The following TBC1D12 variants were observed in gnomAD, a reference collection of about 807,000 sequenced individuals.
TBC1D12 encodes TBC1 domain family member 12.
In TBC1D12, 56 loss-of-function variants were observed where a neutral mutation model predicts 86.7. The ratio of observed to expected loss-of-function variants is 0.65; its 90% confidence interval spans 0.52 to 0.81. The LOEUF is 0.81. TBC1D12 is among the 30% of genes least tolerant of loss of function. TBC1D12 has a pLI of 0.00. For missense variants in TBC1D12, 1,023 were observed against 1,038.8 expected (o/e 0.98, Z 0.21); for synonymous variants, 421 against 411.7 (o/e 1.02, Z -0.27).
intron 1 of TBC1D12, among the ~76,000 whole-genome samples, chr10:94,406,835 A>G (rs2054860070): frequency 6.6e-6 from 1 of 152,188 alleles, no homozygotes; most frequent in Admixed American, 6.5e-5. Context: ...GAGGAATCTC[A>G]TTGTCTAAAG....
In TBC1D12 at chr10:94,533,408, T is replaced by C. The variant is rs777007255; in HGVS notation, c.*312T>C. 4.7e-6 allele frequency: 1 copy of C among 211,344 alleles called. No homozygotes were observed. The highest frequency in any genetic ancestry group is 9.3e-6 in the Non-Finnish European group (1 of 107,112). 13.1% of individuals were successfully genotyped at this position (211,344 alleles called of 1,614,324 possible). ...AAAATAGCTTTGAAGATACTTCAAA[T>C]TTTTACATCTTTTCTTTTGTAACAG... On this transcript the variant is annotated 3_prime_UTR_variant, in exon 13 of 13. Coordinates refer to ENST00000225235, the MANE Select transcript of TBC1D12 (RefSeq NM_015188.2).
chr10:94,468,538 T>C (rs535961264), intron 2 of TBC1D12, among the ~76,000 whole-genome samples: 1 of 152,318 alleles, frequency 6.6e-6, no homozygotes, highest in South Asian at 2.1e-4. Flanking sequence ...TGGAATAATT[T>C]TAGGGGAAAA....
intron 11 of TBC1D12, among the ~76,000 whole-genome samples, chr10:94,524,202 A>G (rs1842226989): frequency 6.6e-6 from 1 of 152,126 alleles, no homozygotes; most frequent in Admixed American, 6.6e-5. Context: ...GGGTTTTCAC[A>G]GAAGGGGAGA....
intron 2 of TBC1D12, among the ~76,000 whole-genome samples, chr10:94,469,798 A>C (rs1369421936): frequency 6.6e-6 from 1 of 152,154 alleles, no homozygotes; most frequent in Non-Finnish European, 1.5e-5. Context: ...CTGTATCCCC[A>C]AAATTCTAGC....
intron 9 of TBC1D12, among the ~76,000 whole-genome samples, chr10:94,519,349 G>T (rs1363682837): frequency 6.6e-6 from 1 of 152,126 alleles, no homozygotes; most frequent in Non-Finnish European, 1.5e-5. Context: ...CTCTGTGCTA[G>T]TTCCCTATGG....
At chr10:94,418,338 C>T (rs757015551) in intron 1 of TBC1D12, among the ~76,000 whole-genome samples, 14 of 152,012 alleles carry the variant, frequency 9.2e-5, no homozygotes, top group East Asian at 3.9e-4. Flanking sequence ...GTGGCAGCTG[C>T]GCAGCTTTTA....
At chr10:94,463,561 C>G (rs925753565) in intron 2 of TBC1D12, among the ~76,000 whole-genome samples, 5 of 152,214 alleles carry the variant, frequency 3.3e-5, no homozygotes, top group African/African-American at 1.2e-4. Context: ...GGCTCCCCCA[C>G]CCCTGCCCAG....
chr10:94,436,569 C>A (rs2055300208), intron 1 of TBC1D12, among the ~76,000 whole-genome samples: 1 of 151,920 alleles, frequency 6.6e-6, no homozygotes, highest in African/African-American at 2.4e-5. Flanking sequence ...TAGTGTTTTC[C>A]TTTCTATAAA....
At chr10:94,423,342 CT>C (rs71486719) in intron 1 of TBC1D12, among the ~76,000 whole-genome samples, 54 of 94,248 alleles carry the variant, frequency 5.7e-4, no homozygotes, top group African/African-American at 1.4e-3. Context: ...CATTCACCAT[CT>C]TTTTTTTTTT....
intron 2 of TBC1D12, among the ~76,000 whole-genome samples, chr10:94,472,451 A>G (rs552978097): frequency 3.7e-4 from 57 of 152,168 alleles, no homozygotes; most frequent in Non-Finnish European, 7.2e-4. Context: ...GTTAGTTGTT[A>G]TTAATATATT....
rs117074612 is a variant in TBC1D12 at position 94,440,590 on chromosome 10, C to T, written c.972-1306C>T. Among the ~76,000 whole-genome samples, 506 of 152,234 alleles carry T rather than the reference C, an allele frequency of 3.3e-3. 13 individuals are homozygous for T. The highest frequency in any genetic ancestry group is 0.024 in the East Asian group (122 of 5,188). On this transcript the variant is annotated intron_variant, in intron 1 of 12. Transcript: ENST00000225235. ...TCTGCACTTTTAAGATATATTGATA[C>T]GGCATTTTGAGTATAGATAAATCTA...
At chr10:94,453,887 T>C (rs2055588645) in intron 2 of TBC1D12, among the ~76,000 whole-genome samples, 1 of 152,212 alleles carries the variant, frequency 6.6e-6, no homozygotes, top group Non-Finnish European at 1.5e-5. Context: ...TGCTCCATTG[T>C]ATTGCCTTTG....
intron 2 of TBC1D12, among the ~76,000 whole-genome samples, chr10:94,465,857 T>C (rs1239392235): frequency 1.3e-5 from 2 of 151,178 alleles, no homozygotes; most frequent in South Asian, 2.1e-4. Flanking sequence ...CGTACATGCA[T>C]ACATACATAT....
intron 9 of TBC1D12, among the ~76,000 whole-genome samples, chr10:94,517,291 T>C (rs1288636131): frequency 1.3e-5 from 2 of 152,092 alleles, no homozygotes; most frequent in African/African-American, 2.4e-5. Flanking sequence ...GCCACGAGAA[T>C]TGCTTGAATC....
intron 1 of TBC1D12, among the ~76,000 whole-genome samples, chr10:94,408,759 C>CA (rs949663237): frequency 2.0e-5 from 3 of 151,678 alleles, no homozygotes; most frequent in Non-Finnish European, 2.9e-5. Flanking sequence ...GTGAGTTTCT[C>CA]AAAAAAAATT....
chr10:94,414,896 T>A (rs1290349831), intron 1 of TBC1D12, among the ~76,000 whole-genome samples: 2 of 152,120 alleles, frequency 1.3e-5, no homozygotes, highest in Non-Finnish European at 2.9e-5. Context: ...AACTATTTTT[T>A]AATAACAGGT....
chr10:94,404,592 A>G (rs1279494333), intron 1 of TBC1D12, among the ~76,000 whole-genome samples: 1 of 151,102 alleles, frequency 6.6e-6, no homozygotes, highest in Non-Finnish European at 1.5e-5. Flanking sequence ...GTTGCAGTGA[A>G]CCTAGATCGT....
chr10:94,417,776 TCTC>T (rs1361048699), intron 1 of TBC1D12, among the ~76,000 whole-genome samples: 4 of 147,980 alleles, frequency 2.7e-5, no homozygotes, highest in African/African-American at 5.0e-5. Context: ...TGCTACGGAG[TCTC>T]GCTCTGTCGC....
intron 1 of TBC1D12, among the ~76,000 whole-genome samples, chr10:94,434,565 A>G (rs2055269585): frequency 6.6e-6 from 1 of 151,928 alleles, no homozygotes; most frequent in Admixed American, 6.6e-5. Context: ...CTCTCCAGTT[A>G]CTAGGGAGTC....
Sources: gnomAD v4.1 joint callset for allele counts (sites outside exome capture counted in the v4.1 genomes callset) on GRCh38, gnomAD v4.1.1 for gene constraint, MANE v1.5 for transcripts, NCBI Gene and HGNC (gene_info 2026-07-23, HGNC 2026-07-21) for gene names.